Variants in ARHGAP21 observed in about 807,000 individuals in gnomAD.
The protein encoded by ARHGAP21 is rho GTPase-activating protein 21.
In ARHGAP21, 38 loss-of-function variants were observed where a neutral mutation model predicts 164.6. The ratio of observed to expected loss-of-function variants is 0.23; its 90% confidence interval spans 0.18 to 0.30. The LOEUF (loss-of-function observed/expected upper bound fraction) is 0.30, where lower values mean the gene tolerates loss of function less well. Among genes scored for constraint, ARHGAP21 ranks in the 10% least tolerant of loss-of-function variants. ARHGAP21 has a pLI of 1.00. For missense variants in ARHGAP21, 1,822 were observed against 2,370.7 expected (o/e 0.77, Z 4.81); for synonymous variants, 766 against 857.9 (o/e 0.89, Z 1.87).
rs934179701 is a variant in ARHGAP21 at position 24,634,935 on chromosome 10, A to G, written c.361+76T>C. On this transcript the variant is annotated intron_variant, in intron 5 of 25. Coordinates refer to ENST00000396432, the MANE Select transcript of ARHGAP21 (RefSeq NM_020824.4). ...ATACAGAAAGATACAAAAGGAAAAAATATCGAACATGAAATATGGAAGAAA... is the reference window on the plus strand; with the variant it reads ...ATACAGAAAGATACAAAAGGAAAAAGTATCGAACATGAAATATGGAAGAAA... 8 of 1,162,776 alleles carry G rather than the reference A, an allele frequency of 6.9e-6. No individual in the cohort carries two copies. The African/African-American group carries it at 1.1e-4, about 16-fold the overall frequency. 72.0% of individuals were successfully genotyped at this position (1,162,776 alleles called of 1,614,324 possible). A position where few individuals can be genotyped will look rare whatever the true frequency, so the allele number is the denominator to read the frequency against.
intron 1 of ARHGAP21, chr10:24,722,828 G>T (rs1162500323): frequency 6.6e-6 from 1 of 151,872 alleles, no homozygotes; most frequent in Non-Finnish European, 1.5e-5. Context: ...CCCGCGGCGG[G>T]GCTGGGTGGG....
chr10:24,704,217 T>A lies in ARHGAP21; in HGVS notation c.63+17620A>T, dbSNP rs1380355900. ...TGTGACCTCCACCAAATACTTTAAG[T>A]GGTGACACAGAAGCCACAGGAGATG... On this transcript the variant is annotated intron_variant, in intron 2 of 25. Coordinates refer to ENST00000396432, the MANE Select transcript of ARHGAP21 (RefSeq NM_020824.4). Among the ~76,000 whole-genome samples the A allele has an allele frequency of 2.6e-5, 4 of 152,058 alleles. No homozygotes were observed. In the East Asian group the frequency reaches 7.8e-4, roughly 29 times the overall value.
chr10:24,702,023 C>G (rs1843716276), intron 2 of ARHGAP21, among the ~76,000 whole-genome samples: 1 of 151,876 alleles, frequency 6.6e-6, no homozygotes, highest in Admixed American at 6.6e-5. Flanking sequence ...CTTCTTGTAT[C>G]TGGCTCCATT....
At chr10:24,633,883 C>CTTTTTTTTTTTTT (rs3073324) in intron 5 of ARHGAP21, among the ~76,000 whole-genome samples, 13 of 75,498 alleles carry the variant, frequency 1.7e-4, no homozygotes, top group Non-Finnish European at 2.0e-4. Context: ...CTTTTTTTCT[C>CTTTTTTTTTTTTT]TTTTTTTTTT....
chr10:24,597,515 T>A lies in ARHGAP21; in HGVS notation c.3266A>T (p.Lys1089Ile). 3 of 1,614,198 alleles carry A rather than the reference T, an allele frequency of 1.9e-6. No homozygotes were observed. Among genetic ancestry groups the A allele is most frequent in the East Asian group, 2.2e-5 (1 of 44,892 alleles). Residue 1089 changes from lysine to isoleucine, a missense_variant, in exon 16 of 26, where the codon AAA (lysine) becomes ATA (isoleucine). This residue lies in a region of ARHGAP21 where 1,090 missense variants were observed against 1,378.9 expected (regional missense o/e 0.79). Coordinates refer to ENST00000396432, the MANE Select transcript of ARHGAP21 (RefSeq NM_020824.4). ...LSIRQTLLGAKSEPKTQSPHS... is the reference protein window; with the variant it reads ...LSIRQTLLGAISEPKTQSPHS... ...TGGGCTTTGAGTCTTTGGCTCTGAT[T>A]TAGCACCAAGCAAAGTTTGCCTGAT...
intron 2 of ARHGAP21, among the ~76,000 whole-genome samples, chr10:24,696,868 A>G (rs1843220600): frequency 6.6e-6 from 1 of 152,200 alleles, no homozygotes; most frequent in African/African-American, 2.4e-5. Flanking sequence ...CCACGGCAAT[A>G]CTGAATGTGC....
At chr10:24,636,416 GCACAC>G (rs1413260453) in intron 4 of ARHGAP21, among the ~76,000 whole-genome samples, 1 of 152,154 alleles carries the variant, frequency 6.6e-6, no homozygotes, top group Non-Finnish European at 1.5e-5. Context: ...TGATTGTGAT[GCACAC>G]TTAAGTTTGA....
Position 24,620,919 on chromosome 10 carries a change from T to C in ARHGAP21, c.976A>G (p.Thr326Ala). ...RTTSPPLSIP[T>A]THLIHQPAGS... ...GCAGGCTGATGAATTAGATGAGTGG[T>C]GGGAATTGATAATGGTGGTGATGTG... Residue 326 changes from threonine (T) to alanine (A), a missense_variant, in exon 9 of 26, where the codon ACC (threonine) becomes GCC (alanine). Around this residue, in one of 5 missense-constraint regions of ARHGAP21, gnomAD observed 1,090 missense variants for 1,378.9 expected, o/e 0.79. Coordinates refer to ENST00000396432, the MANE Select transcript of ARHGAP21 (RefSeq NM_020824.4). 1 of 1,613,856 alleles carries C rather than the reference T, an allele frequency of 6.2e-7. No individual in the cohort carries two copies. Among genetic ancestry groups the C allele is most frequent in the East Asian group, 2.2e-5 (1 of 44,866 alleles).
At chr10:24,597,825 T>G in intron 15 of ARHGAP21, 120 bp downstream of exon 15, 1 of 1,169,702 alleles carries the variant, frequency 8.5e-7, no homozygotes, top group Non-Finnish European at 1.2e-6. Flanking sequence ...TAGAGAGGAT[T>G]TGGTACTATC....
intron 24 of ARHGAP21, chr10:24,590,962 AAC>A: frequency 1.1e-6 from 1 of 870,036 alleles, no homozygotes; most frequent in Non-Finnish European, 1.4e-6. Context: ...AAAAAAAAAG[AAC>A]AAAACAGTGG....
chr10:24,589,547 T>C (rs962752041), intron 24 of ARHGAP21: 3 of 443,960 alleles, frequency 6.8e-6, no homozygotes, highest in Admixed American at 4.5e-5. Flanking sequence ...AAAGGAGCCC[T>C]GTGCTAAACA....
At chr10:24,609,249 T>C (rs1485714298) in intron 9 of ARHGAP21, among the ~76,000 whole-genome samples, 1 of 152,214 alleles carries the variant, frequency 6.6e-6, no homozygotes, top group Non-Finnish European at 1.5e-5. Flanking sequence ...TGTGCATGGA[T>C]TAAGCATTAT....
chr10:24,631,232 C>G (rs962449975), intron 6 of ARHGAP21, among the ~76,000 whole-genome samples: 1 of 152,136 alleles, frequency 6.6e-6, no homozygotes, highest in Non-Finnish European at 1.5e-5. Flanking sequence ...GACGTGGTGG[C>G]AGGTGCCTGT....
At chr10:24,590,898 T>C in intron 24 of ARHGAP21, 1 of 982,930 alleles carries the variant, frequency 1.0e-6, no homozygotes, top group Non-Finnish European at 1.2e-6. Flanking sequence ...GTAGCATATA[T>C]CTGTTTTACC....
At chr10:24,586,700 T>C (rs558761777) in intron 25 of ARHGAP21, among the ~76,000 whole-genome samples, 1 of 152,346 alleles carries the variant, frequency 6.6e-6, no homozygotes, top group African/African-American at 2.4e-5. Context: ...CTGCCTTAAG[T>C]AAATCAGGTT....
intron 14 of ARHGAP21, among the ~76,000 whole-genome samples, chr10:24,598,906 T>A (rs971817279): frequency 5.3e-5 from 8 of 152,218 alleles, no homozygotes; most frequent in African/African-American, 1.9e-4. Context: ...TAGCCTCTCT[T>A]TGCCACTGTT....
Position 24,722,094 on chromosome 10 carries a change from G to T in ARHGAP21, c.-195C>A. Reference sequence around the variant, plus strand: ...TTCAAATGCCTCGCTGATTTCTCGTGACTTCAACTGACTTCGCCTTCTTCT... The same window carrying T: ...TTCAAATGCCTCGCTGATTTCTCGTTACTTCAACTGACTTCGCCTTCTTCT... On this transcript the variant is annotated 5_prime_UTR_variant, in exon 2 of 26. Coordinates refer to ENST00000396432, the MANE Select transcript of ARHGAP21 (RefSeq NM_020824.4). The T allele has an allele frequency of 1.6e-6, 1 of 612,840 alleles. No individual in the cohort carries two copies. The allele number at this position is 612,840 out of a possible 1,614,324, so 38.0% of individuals were successfully genotyped here.
At chr10:24,676,492 C>T (rs1215802466) in intron 2 of ARHGAP21, among the ~76,000 whole-genome samples, 2 of 152,102 alleles carry the variant, frequency 1.3e-5, no homozygotes, top group Non-Finnish European at 2.9e-5. Flanking sequence ...AATGGGTACA[C>T]ATGGACATAC....
chr10:24,709,043 C>G (rs1159307278), intron 2 of ARHGAP21, among the ~76,000 whole-genome samples: 1 of 151,672 alleles, frequency 6.6e-6, no homozygotes, highest in African/African-American at 2.4e-5. Flanking sequence ...GAGAGAAGAC[C>G]CAAATAAAAA....
Sources: gnomAD v4.1 joint callset for allele counts (sites outside exome capture counted in the v4.1 genomes callset) on GRCh38, gnomAD v4.1.1 for gene constraint, gnomAD v4.1.1 regional missense constraint, MANE v1.5 for transcripts, NCBI Gene and HGNC (gene_info 2026-07-23, HGNC 2026-07-21) for gene names.